Variants in TRAF2 observed in about 807,000 individuals in gnomAD.
TRAF2 encodes TNF receptor associated factor 2, also known as TNF receptor-associated factor 2.
Under a neutral mutation model 55.6 loss-of-function variants are expected in TRAF2, and 6 were observed. The ratio of observed to expected loss-of-function variants is 0.11; its 90% CI spans 0.06 to 0.21. TRAF2 has a LOEUF of 0.21. Ranked by LOEUF, TRAF2 falls within the 10% of genes least tolerant of loss-of-function variation. TRAF2 has a pLI of 1.00. For synonymous variants in TRAF2, 329 were observed against 276.3 expected (o/e 1.19, Z -1.89); for missense variants, 561 against 684.5 (o/e 0.82, Z 2.01).
intron 4 of TRAF2, among the ~76,000 whole-genome samples, chr9:136,905,875 C>G (rs368687869): frequency 1.3e-5 from 2 of 152,156 alleles, no homozygotes; most frequent in African/African-American, 4.8e-5. Flanking sequence ...GAGGCCAAGG[C>G]AGGTGAATCA....
intron 1 of TRAF2, among the ~76,000 whole-genome samples, chr9:136,896,210 C>T (rs778582444): frequency 7.9e-5 from 12 of 152,208 alleles, no homozygotes; most frequent in Admixed American, 3.3e-4. Context: ...TCTCAGGGGC[C>T]GGGACTGGGG....
chr9:136,897,684 GT>G (rs1209546782), intron 1 of TRAF2, among the ~76,000 whole-genome samples: 21 of 145,424 alleles, frequency 1.4e-4, no homozygotes, highest in Admixed American at 4.1e-4. Flanking sequence ...GAAACCCGTG[GT>G]AGCTAAAGGG....
intron 9 of TRAF2, among the ~76,000 whole-genome samples, chr9:136,921,666 T>C (rs369223154): frequency 2.0e-5 from 3 of 149,740 alleles, no homozygotes; most frequent in East Asian, 3.9e-4. Flanking sequence ...CACACGGAGC[T>C]CAGGGAGGGT....
At chr9:136,903,680 T>G (rs1299004225) in intron 4 of TRAF2, among the ~76,000 whole-genome samples, 2 of 151,856 alleles carry the variant, frequency 1.3e-5, no homozygotes, top group African/African-American at 4.8e-5. Flanking sequence ...TTTTTTTTGT[T>G]TGTTTGTTTG....
upstream of TRAF2, among the ~76,000 whole-genome samples, chr9:136,882,305 G>A (rs1849384205): frequency 6.6e-6 from 1 of 152,248 alleles, no homozygotes; most frequent in African/African-American, 2.4e-5. Context: ...GCTGGGCACA[G>A]GGCAGATGCC....
intron 6 of TRAF2, among the ~76,000 whole-genome samples, chr9:136,913,285 T>C (rs1299415069): frequency 6.9e-6 from 1 of 143,928 alleles, no homozygotes; most frequent in Non-Finnish European, 1.5e-5. Context: ...CATGTTCTTA[T>C]TATAAAGGAA....
chr9:136,918,227 T>TTA (rs764701854), intron 7 of TRAF2, among the ~76,000 whole-genome samples: 5,564 of 67,804 alleles, frequency 0.082, 138 homozygotes, highest in Admixed American at 0.1. Context: ...AGTGTTTTGT[T>TTA]TATATATATA....
At chr9:136,919,675 T>TC in intron 7 of TRAF2, among the ~76,000 whole-genome samples, 1 of 41,544 alleles carries the variant, frequency 2.4e-5, no homozygotes, top group Non-Finnish European at 4.6e-5. Flanking sequence ...CTTCTTTCCC[T>TC]CCCCTTCTTC....
rs1849787870 is a variant in TRAF2, at chr9:136,900,301, G to A, written c.268-121G>A. 4.9e-6 allele frequency: 3 copies of A among 610,014 alleles called. No homozygotes were observed. The Admixed American group carries it at 9.5e-5, about 19-fold the overall frequency. The allele number at this position is 610,014 out of a possible 1,614,324, so 37.8% of individuals were successfully genotyped here. ...AATCAGAGAGTCATCCTCTGCTCCTGGAGTGGCCTGGAAAGGCGATGTGAC... is the reference window on the plus strand; with the variant it reads ...AATCAGAGAGTCATCCTCTGCTCCTAGAGTGGCCTGGAAAGGCGATGTGAC... On this transcript the variant is annotated intron_variant, in intron 3 of 10. Transcript: ENST00000247668.
In TRAF2 at chr9:136,898,932, C is replaced by CAT; in HGVS notation, c.188+5_188+6dup. On this transcript the variant is annotated splice_donor_region_variant and intron_variant, in intron 2 of 10. Coordinates refer to ENST00000247668, the MANE Select transcript of TRAF2 (RefSeq NM_021138.4). Reference sequence around the variant, plus strand: ...TCTGCCTGGCCAGCATCCTCAGGTGCATGGGGCCTGCAGGCTGGGAGGAGG... The same window carrying CAT: ...TCTGCCTGGCCAGCATCCTCAGGTGCATATGGGGCCTGCAGGCTGGGAGGAGG... 1 of 1,600,668 alleles carries CAT rather than the reference C, an allele frequency of 6.2e-7. No individual in the cohort carries two copies. Among genetic ancestry groups the CAT allele is most frequent in the Non-Finnish European group, 8.5e-7 (1 of 1,174,496 alleles).
chr9:136,905,098 G>C (rs550828399), intron 4 of TRAF2, among the ~76,000 whole-genome samples: 5 of 152,230 alleles, frequency 3.3e-5, no homozygotes, highest in South Asian at 2.1e-4. Flanking sequence ...CTCCCCTCTT[G>C]GGGGAAGTAG....
intron 6 of TRAF2, among the ~76,000 whole-genome samples, chr9:136,910,802 G>C (rs150441557): frequency 1.0e-3 from 159 of 152,376 alleles, no homozygotes; most frequent in Middle Eastern, 3.4e-3. Flanking sequence ...GTCCTGAAAT[G>C]GGTAGGGCTG....
intron 9 of TRAF2, chr9:136,922,633 T>C (rs1286515083): frequency 1.0e-5 from 1 of 95,290 alleles, no homozygotes; most frequent in Non-Finnish European, 2.1e-5. Context: ...AGGATGGGCC[T>C]GGGGGCACGG....
chr9:136,886,489 T>A, upstream of TRAF2: 1 of 1,001,756 alleles, frequency 1.0e-6, no homozygotes, highest in Non-Finnish European at 1.2e-6. Flanking sequence ...GGCGGCGGCG[T>A]TGGGGGCGGT....
chr9:136,916,730 C>T, intron 7 of TRAF2, 115 bp downstream of exon 7: 1 of 1,017,850 alleles, frequency 9.8e-7, no homozygotes, highest in Non-Finnish European at 1.5e-6. Context: ...ACCTCTGCAG[C>T]ACTGCCTCCT....
At chr9:136,915,351 G>A (rs753178015) in intron 6 of TRAF2, among the ~76,000 whole-genome samples, 2 of 152,118 alleles carry the variant, frequency 1.3e-5, no homozygotes, top group African/African-American at 2.4e-5. Flanking sequence ...ACCGTCTCCC[G>A]AGACTTGCCA....
At chr9:136,918,259 T>TGTATA (rs1564419549) in intron 7 of TRAF2, among the ~76,000 whole-genome samples, 1 of 23,768 alleles carries the variant, frequency 4.2e-5, no homozygotes, top group Admixed American at 4.3e-4. Context: ...ATATATATAT[T>TGTATA]TATTTAATTA....
intron 9 of TRAF2, among the ~76,000 whole-genome samples, chr9:136,923,173 G>A (rs951855309): frequency 1.3e-5 from 2 of 152,188 alleles, no homozygotes; most frequent in Non-Finnish European, 2.9e-5. Flanking sequence ...TTCTGAGGCA[G>A]GCTTGGGGCC....
chr9:136,892,240 G>C (rs1849595025), intron 1 of TRAF2, among the ~76,000 whole-genome samples: 1 of 151,998 alleles, frequency 6.6e-6, no homozygotes, highest in Non-Finnish European at 1.5e-5. Flanking sequence ...GAGGCGGGCA[G>C]ATCACGAGGT....
Sources: gnomAD v4.1 joint callset for allele counts (sites outside exome capture counted in the v4.1 genomes callset) on GRCh38, gnomAD v4.1.1 for gene constraint, MANE v1.5 for transcripts, NCBI Gene and HGNC (gene_info 2026-07-23, HGNC 2026-07-21) for gene names.